Variants in PCDH15 observed in about 807,000 individuals in gnomAD.
PCDH15 encodes the protein protocadherin related 15.
PCDH15 carries 129 observed loss-of-function variants against 178.5 expected under a neutral mutation model. The ratio of observed to expected loss-of-function variants is 0.72; its 90% CI spans 0.63 to 0.84. The LOEUF is 0.84. PCDH15 is among the 40% of genes least tolerant of loss of function. The probability of loss-of-function intolerance (pLI) is 0.00; values close to 1 mark genes in which losing one functional copy is unlikely to be tolerated. For missense variants in PCDH15, 2,230 were observed against 2,099.9 expected, an observed-to-expected ratio of 1.06 and a Z score of -1.21; for synonymous variants, 800 against 732.0, an observed-to-expected ratio of 1.09 and a Z score of -1.50.
At chr10:55,398,255 G>A (rs1185960895) in intron 2 of PCDH15, among the ~76,000 whole-genome samples, 6 of 151,776 alleles carry the variant, frequency 4.0e-5, no homozygotes, top group Non-Finnish European at 5.9e-5. Flanking sequence ...AAACCCTTTA[G>A]CCTCCTGAAT....
intron 2 of PCDH15, among the ~76,000 whole-genome samples, chr10:55,080,430 T>G (rs1842009498): frequency 6.6e-6 from 1 of 152,034 alleles, no homozygotes; most frequent in South Asian, 2.1e-4. Flanking sequence ...GTGGAAAATT[T>G]TTCTCCCAAG....
At chr10:55,379,724 G>A (rs1565077615) in intron 2 of PCDH15, among the ~76,000 whole-genome samples, 2 of 151,908 alleles carry the variant, frequency 1.3e-5, no homozygotes, top group South Asian at 4.1e-4. Context: ...TTAAAAGCAA[G>A]ATTTCTGATT....
At chr10:53,962,933 A>G (rs2088521758) in intron 21 of PCDH15, among the ~76,000 whole-genome samples, 1 of 152,174 alleles carries the variant, frequency 6.6e-6, no homozygotes, top group Non-Finnish European at 1.5e-5. Flanking sequence ...TAGAAGTCAA[A>G]TAAATATCTT....
intron 8 of PCDH15, among the ~76,000 whole-genome samples, chr10:54,309,315 GTACA>G (rs1282239613): frequency 9.8e-6 from 1 of 101,896 alleles, no homozygotes; most frequent in African/African-American, 4.6e-5. Context: ...ATATATATAC[GTACA>G]TACACACACA....
In PCDH15 at chr10:55,386,268, T is replaced by C. The variant is rs150034070; in HGVS notation, c.-155-219617A>G. ...ATTTTTATATCACACCCAGAAGTCA[T>C]AAAAGAAGATAATATGAAATATAAA... is the stretch of plus-strand genomic sequence containing the variant. On this transcript the variant is annotated intron_variant, in intron 2 of 5. Transcript: ENST00000613346. Among the ~76,000 whole-genome samples, 1,004 of 151,982 alleles carry C rather than the reference T, an allele frequency of 6.6e-3. 10 individuals are homozygous for C. Among genetic ancestry groups the C allele is most frequent in the African/African-American group, 0.023 (966 of 41,500 alleles).
intron 1 of PCDH15, among the ~76,000 whole-genome samples, chr10:54,762,530 CTCAAA>C (rs1948017211): frequency 6.6e-6 from 1 of 152,104 alleles, no homozygotes; most frequent in South Asian, 2.1e-4. Flanking sequence ...CCTTCAATCT[CTCAAA>C]TCAAACACCA....
At chr10:54,528,343 C>G (rs1225561478) in intron 2 of PCDH15, 2 of 1,517,632 alleles carry the variant, frequency 1.3e-6, no homozygotes, top group Admixed American at 3.8e-5. Flanking sequence ...GACAGACAAG[C>G]AATGCTCATG....
chr10:54,616,340 T>C (rs1465891461), intron 2 of PCDH15, among the ~76,000 whole-genome samples: 2 of 152,124 alleles, frequency 1.3e-5, no homozygotes, highest in East Asian at 3.9e-4. Flanking sequence ...TTAGGTCAGG[T>C]ATAAAGAACA....
intron 1 of PCDH15, among the ~76,000 whole-genome samples, chr10:55,197,477 G>T (rs186731395): frequency 5.3e-5 from 8 of 152,108 alleles, no homozygotes; most frequent in African/African-American, 1.9e-4. Context: ...GATGGTTGTC[G>T]ATAGACTTGG....
At chr10:54,562,591 T>C (rs941948436) in intron 2 of PCDH15, among the ~76,000 whole-genome samples, 2 of 152,116 alleles carry the variant, frequency 1.3e-5, no homozygotes, top group South Asian at 4.1e-4. Flanking sequence ...ATGAAGACAT[T>C]AGTTTCACAA....
At chr10:55,053,623 A>G (rs2131990686) in intron 2 of PCDH15, among the ~76,000 whole-genome samples, 1 of 152,256 alleles carries the variant, frequency 6.6e-6, no homozygotes, top group South Asian at 2.1e-4. Flanking sequence ...GTATTGTTTG[A>G]ATTTGAATTC....
At chr10:55,454,891 C>T (rs2132085368) in intron 2 of PCDH15, among the ~76,000 whole-genome samples, 1 of 151,516 alleles carries the variant, frequency 6.6e-6, no homozygotes, top group East Asian at 1.9e-4. Context: ...TTTGCTTTTC[C>T]TGAGTTTTAT....
chr10:54,417,566 G>A (rs1245653289), intron 3 of PCDH15, among the ~76,000 whole-genome samples: 2 of 151,996 alleles, frequency 1.3e-5, no homozygotes, highest in Non-Finnish European at 2.9e-5. Context: ...CTATTTCATA[G>A]CACTAGCAAA....
chr10:53,907,005 T>C (rs1285163299), intron 25 of PCDH15: 1 of 152,144 alleles, frequency 6.6e-6, no homozygotes, highest in Non-Finnish European at 1.5e-5. Context: ...GAATGTAAAA[T>C]AAATGTTGGC....
At chr10:55,122,908 T>C (rs1225395345) in intron 2 of PCDH15, among the ~76,000 whole-genome samples, 1 of 152,124 alleles carries the variant, frequency 6.6e-6, no homozygotes, top group Non-Finnish European at 1.5e-5. Flanking sequence ...TAAAGATTTA[T>C]GTATATTCAT....
intron 15 of PCDH15, among the ~76,000 whole-genome samples, chr10:54,129,561 T>C (rs1409998043): frequency 6.6e-6 from 1 of 152,200 alleles, no homozygotes; most frequent in East Asian, 1.9e-4. Flanking sequence ...TGAGTTTGTG[T>C]ATGTGTCCAT....
At chr10:55,539,549 A>G (rs952662235) in intron 2 of PCDH15, among the ~76,000 whole-genome samples, 4 of 152,090 alleles carry the variant, frequency 2.6e-5, no homozygotes, top group African/African-American at 9.6e-5. Flanking sequence ...TGAAACTTCT[A>G]ATTGTAATTC....
chr10:54,086,968 G>A (rs905105132), intron 16 of PCDH15, among the ~76,000 whole-genome samples: 2 of 152,128 alleles, frequency 1.3e-5, no homozygotes, highest in Admixed American at 6.6e-5. Context: ...AGAGATATAG[G>A]AAAGCAGTGC....
chr10:54,388,022 A>G (rs1306429327), intron 3 of PCDH15, among the ~76,000 whole-genome samples: 2 of 152,188 alleles, frequency 1.3e-5, no homozygotes, highest in African/African-American at 4.8e-5. Flanking sequence ...TAGTTTTACA[A>G]GATGAATACA....
Sources: allele counts gnomAD v4.1 joint callset (sites outside exome capture counted in the v4.1 genomes callset), GRCh38; gene constraint gnomAD v4.1.1; transcripts MANE v1.5; gene names NCBI Gene and HGNC (gene_info 2026-07-23, HGNC 2026-07-21).